Variants in TGFBRAP1 observed in about 807,000 individuals in gnomAD.
The protein encoded by TGFBRAP1 is transforming growth factor beta receptor associated protein 1.
In TGFBRAP1, 20 loss-of-function variants were observed where a neutral mutation model predicts 83.2. The ratio of observed to expected loss-of-function variants is 0.24; its 90% confidence interval spans 0.17 to 0.35. The LOEUF is 0.35. Among genes scored for constraint, TGFBRAP1 ranks in the 10% least tolerant of loss-of-function variants. The probability of loss-of-function intolerance (pLI) is 1.00; values close to 1 mark genes in which losing one functional copy is unlikely to be tolerated. For synonymous variants in TGFBRAP1, 415 were observed against 459.8 expected (o/e 0.90, Z 1.25); for missense variants, 950 against 1,099.4 (o/e 0.86, Z 1.92).
chr2:105,299,018 C>T (rs890095800), intron 2 of TGFBRAP1, among the ~76,000 whole-genome samples: 1 of 152,162 alleles, frequency 6.6e-6, no homozygotes, highest in African/African-American at 2.4e-5. Flanking sequence ...GTGGCTCACA[C>T]CTGTAATCCC....
At chr2:105,317,280 T>C (rs1678914884) in intron 1 of TGFBRAP1, among the ~76,000 whole-genome samples, 1 of 151,878 alleles carries the variant, frequency 6.6e-6, no homozygotes. Flanking sequence ...ACACTAAAAA[T>C]ACAAAAATTA....
intron 1 of TGFBRAP1, among the ~76,000 whole-genome samples, chr2:105,320,042 G>A (rs1679009813): frequency 1.3e-5 from 2 of 151,972 alleles, no homozygotes; most frequent in Non-Finnish European, 2.9e-5. Context: ...ATTAAAATGG[G>A]CTCTTTACCA....
chr2:105,308,168 A>G lies in TGFBRAP1; in HGVS notation c.134T>C (p.Phe45Ser). The change falls in exon 2 of 12, where the codon TTC (phenylalanine) becomes TCC (serine). Residue 45 changes from phenylalanine to serine, a missense_variant. By Grantham distance (155) the Phe-to-Ser change is radical. Coordinates refer to ENST00000393359, the MANE Select transcript of TGFBRAP1 (RefSeq NM_004257.6). ...RDLYVGTNDC[F>S]VYHFLLEERP... ...CTCCTCCAACAGGAAGTGGTAGACG[A>G]AGCAGTCGTTGGTGCCCACGTAGAG... The G allele has an allele frequency of 6.2e-7, 1 of 1,614,192 alleles. No individual in the cohort carries two copies. Among genetic ancestry groups the G allele is most frequent in the Non-Finnish European group, 8.5e-7 (1 of 1,180,036 alleles).
rs938556190 is a variant in TGFBRAP1 at position 105,273,668 on chromosome 2, T to C, written c.1688A>G (p.Lys563Arg). The C allele has an allele frequency of 6.2e-7, 1 of 1,614,210 alleles. No homozygotes were observed. Among genetic ancestry groups the C allele is most frequent in the Non-Finnish European group, 8.5e-7 (1 of 1,180,032 alleles). Reference sequence around the variant, plus strand: ...CTTCTGCTGTTCATCCAAAGGTCTCTTGGTGAAAACCTGAACTCCGACCTG... The same window carrying C: ...CTTCTGCTGTTCATCCAAAGGTCTCCTGGTGAAAACCTGAACTCCGACCTG... ...SEEVGVQVFTKRPLDEQQKNS... is the reference protein window; with the variant it reads ...SEEVGVQVFTRRPLDEQQKNS... Residue 563 changes from lysine to arginine, a missense_variant, in exon 9 of 12, where the codon AAG (lysine) becomes AGG (arginine). Coordinates refer to ENST00000393359, the MANE Select transcript of TGFBRAP1 (RefSeq NM_004257.6).
At chr2:105,293,884 G>T (rs1432199545) in intron 4 of TGFBRAP1, among the ~76,000 whole-genome samples, 1 of 152,188 alleles carries the variant, frequency 6.6e-6, no homozygotes, top group Non-Finnish European at 1.5e-5. Context: ...GCGCTGAGGG[G>T]TGACATGATA....
chr2:105,273,008 C>A lies in TGFBRAP1; in HGVS notation c.1819G>T (p.Glu607Ter). The change falls in exon 10 of 12, where the codon GAG becomes TAG. Residue 607 changes from glutamate to a stop codon, truncating the protein, a stop_gained. Transcript: ENST00000393359. LOFTEE classifies it high-confidence loss of function. ...LVIDKRLQKEEYHTHLAVLYL... is the reference protein window; with the variant it reads ...LVIDKRLQKE ...AGCACAGCTAAGTGGGTGTGATACT[C>A]TTCTTTCTGCAGGAAACAGGGGGAG... is the stretch of plus-strand genomic sequence containing the variant. The A allele has an allele frequency of 6.2e-7, 1 of 1,609,782 alleles. No homozygotes were observed. Among genetic ancestry groups the A allele is most frequent in the South Asian group, 1.1e-5 (1 of 90,956 alleles).
intron 2 of TGFBRAP1, among the ~76,000 whole-genome samples, chr2:105,306,714 G>A (rs969934931): frequency 1.3e-5 from 2 of 152,140 alleles, no homozygotes; most frequent in East Asian, 3.9e-4. Context: ...AGGGAGAATC[G>A]CTTGAACCTG....
chr2:105,271,022 G>A (rs756228963), intron 10 of TGFBRAP1, among the ~76,000 whole-genome samples: 13 of 152,204 alleles, frequency 8.5e-5, no homozygotes, highest in Non-Finnish European at 1.5e-4. Context: ...GTGCTGCGGG[G>A]GATACCCCCA....
chr2:105,329,429 T>C (rs868402625), intron 1 of TGFBRAP1, among the ~76,000 whole-genome samples, 196 bp downstream of exon 1: 1 of 148,876 alleles, frequency 6.7e-6, no homozygotes, highest in Non-Finnish European at 1.5e-5. Flanking sequence ...CCCGCACACC[T>C]GCCCCCAAGT....
intron 1 of TGFBRAP1, among the ~76,000 whole-genome samples, chr2:105,311,272 A>T (rs1271539764): frequency 6.6e-6 from 1 of 152,224 alleles, no homozygotes; most frequent in East Asian, 1.9e-4. Flanking sequence ...GCCTTGCTAA[A>T]GATAAGCTTC....
intron 1 of TGFBRAP1, among the ~76,000 whole-genome samples, 195 bp downstream of exon 1, chr2:105,329,430 G>A (rs1679306117): frequency 1.3e-5 from 2 of 150,032 alleles, no homozygotes; most frequent in Non-Finnish European, 3.0e-5. Flanking sequence ...CCGCACACCT[G>A]CCCCCAAGTG....
chr2:105,278,499 C>T (rs953074661), intron 6 of TGFBRAP1, among the ~76,000 whole-genome samples: 5 of 152,066 alleles, frequency 3.3e-5, no homozygotes, highest in African/African-American at 1.2e-4. Context: ...AGTTCAAGAA[C>T]CTGGGTTTCA....
At chr2:105,258,910 C>T in the TGFBRAP1 span, among the ~76,000 whole-genome samples, 6 of 152,202 alleles carry the variant, frequency 3.9e-5, no homozygotes, top group Admixed American at 3.3e-4. Context: ...GCTTGTTTTC[C>T]AGCATTTGTG....
At chr2:105,329,131 A>G (rs1381466210) in intron 1 of TGFBRAP1, among the ~76,000 whole-genome samples, 2 of 151,992 alleles carry the variant, frequency 1.3e-5, no homozygotes, top group Non-Finnish European at 2.9e-5. Flanking sequence ...CCCGAATTTG[A>G]GCTCTCAAAT....
chr2:105,261,712 A>G (rs1290991463), downstream of TGFBRAP1, among the ~76,000 whole-genome samples: 1 of 152,170 alleles, frequency 6.6e-6, no homozygotes, highest in Non-Finnish European at 1.5e-5. Context: ...AGATCACGCC[A>G]CTGCACTCCA....
chr2:105,250,146 A>G, the TGFBRAP1 span, among the ~76,000 whole-genome samples: 13 of 152,238 alleles, frequency 8.5e-5, no homozygotes, highest in Non-Finnish European at 1.8e-4. Context: ...GCTGCAGCAC[A>G]GACTTCTCTT....
At chr2:105,268,080 G>A (rs1328858072) in intron 11 of TGFBRAP1, among the ~76,000 whole-genome samples, 1 of 152,202 alleles carries the variant, frequency 6.6e-6, no homozygotes, top group East Asian at 1.9e-4. Context: ...GAGTCTTAAT[G>A]CCATCGGTCC....
At chr2:105,287,490 C>T (rs187496732) in intron 4 of TGFBRAP1, among the ~76,000 whole-genome samples, 9 of 152,070 alleles carry the variant, frequency 5.9e-5, no homozygotes, top group South Asian at 2.1e-4. Context: ...TGAGGTGAAA[C>T]GCTCTAAAAT....
chr2:105,313,044 G>A (rs998476886), intron 1 of TGFBRAP1, among the ~76,000 whole-genome samples: 2 of 152,068 alleles, frequency 1.3e-5, no homozygotes, highest in African/African-American at 4.8e-5. Flanking sequence ...CCCGGGAAGC[G>A]GAGGTTGCAG....
Sources: gnomAD v4.1 joint callset for allele counts (sites outside exome capture counted in the v4.1 genomes callset) on GRCh38, gnomAD v4.1.1 for gene constraint, MANE v1.5 for transcripts, NCBI Gene and HGNC (gene_info 2026-07-23, HGNC 2026-07-21) for gene names.